The following DAPK2 variants were observed in gnomAD, a reference collection of about 807,000 sequenced individuals.
DAPK2 encodes the protein death-associated protein kinase 2.
DAPK2 carries 35 observed loss-of-function variants against 44.1 expected under a neutral mutation model. The observed-to-expected ratio is 0.79, with a 90% CI of 0.61 to 1.05. The LOEUF (loss-of-function observed/expected upper bound fraction) is 1.05, where lower values mean the gene tolerates loss of function less well. Ranked by LOEUF, DAPK2 falls within the 50% of genes least tolerant of loss-of-function variation. The pLI is 0.00. For missense variants in DAPK2, 453 were observed against 483.2 expected (o/e 0.94, Z 0.59); for synonymous variants, 174 against 182.6 (o/e 0.95, Z 0.38).
Position 63,930,844 on chromosome 15 carries a change from A to C in DAPK2, c.584-389T>G, listed in dbSNP as rs545736584. 2.0e-5 allele frequency among the ~76,000 whole-genome samples: 3 copies of C among 152,236 alleles called. No homozygotes were observed. In the East Asian group the frequency reaches 5.8e-4, roughly 29 times the overall value. The stretch of plus-strand genomic sequence containing the variant: ...GAGGCTGAGGCAGGAGGATTGCTGG[A>C]GCCCAGGAGTTGGAGACCAGCCTGG... On this transcript the variant is annotated intron_variant, in intron 4 of 10. Transcript: ENST00000261891.
intron 8 of DAPK2, chr15:63,922,633 A>C: frequency 7.0e-7 from 1 of 1,436,792 alleles, no homozygotes; most frequent in Non-Finnish European, 9.1e-7. Flanking sequence ...TACTACAGAC[A>C]CACACCCCTG....
At chr15:63,967,041 A>G (rs371691148) in intron 3 of DAPK2, among the ~76,000 whole-genome samples, 119 of 152,106 alleles carry the variant, frequency 7.8e-4, no homozygotes, top group African/African-American at 2.7e-3. Context: ...TTAGCCGGGC[A>G]TAGTGGTGGG....
At chr15:63,935,289 C>T (rs1426083546) in intron 4 of DAPK2, among the ~76,000 whole-genome samples, 1 of 151,922 alleles carries the variant, frequency 6.6e-6, no homozygotes, top group Non-Finnish European at 1.5e-5. Flanking sequence ...CAGGGTTTCA[C>T]CATGTTGGTC....
chr15:63,948,727 G>C (rs1335693657), intron 3 of DAPK2, among the ~76,000 whole-genome samples: 1 of 152,186 alleles, frequency 6.6e-6, no homozygotes, highest in Non-Finnish European at 1.5e-5. Context: ...GGTCCGTGTA[G>C]AACAAAACTT....
At position 63,990,396 on chromosome 15, in the gene DAPK2, C is replaced by G. The variant is rs1211142538; in HGVS notation, c.93-6642G>C. Among the ~76,000 whole-genome samples the G allele has an allele frequency of 6.6e-6, 1 of 150,704 alleles. No individual in the cohort carries two copies. Among genetic ancestry groups the G allele is most frequent in the African/African-American group, 2.4e-5 (1 of 40,948 alleles). On this transcript the variant is annotated intron_variant, in intron 1 of 10. Coordinates refer to ENST00000261891, the Ensembl canonical transcript of DAPK2. This position sits in a 1 kb window ranked among gnomAD's most constrained non-coding sequence, Gnocchi z 4.3. The stretch of plus-strand genomic sequence containing the variant: ...TGAGCTGAGATCGCACCGCTGCACT[C>G]CAGCCTGGGTGACAGAGCAAGACTC...
intron 1 of DAPK2, among the ~76,000 whole-genome samples, chr15:64,002,475 T>C (rs969171735): frequency 3.0e-4 from 46 of 152,306 alleles, no homozygotes; most frequent in African/African-American, 1.1e-3. Flanking sequence ...ACATAATTTG[T>C]CCATAATAGT....
intron 1 of DAPK2, among the ~76,000 whole-genome samples, chr15:64,033,863 C>T (rs527480878): frequency 4.0e-5 from 6 of 150,842 alleles, no homozygotes; most frequent in South Asian, 4.2e-4. Context: ...TGCAGTGAGC[C>T]GAGATGGCGC....
intron 10 of DAPK2, chr15:63,909,248 T>C (rs905176672): frequency 6.6e-6 from 1 of 152,172 alleles, no homozygotes; most frequent in African/African-American, 2.4e-5. Context: ...AAAGAAGTAC[T>C]AATCCACAGT....
rs573849906 is a variant in DAPK2, at chr15:63,912,889, G to C, written c.859-692C>G. Among the ~76,000 whole-genome samples, 8 of 152,130 alleles carry C rather than the reference G, an allele frequency of 5.3e-5. No homozygotes were observed. Among genetic ancestry groups the C allele is most frequent in the African/African-American group, 1.9e-4 (8 of 41,416 alleles). ...AATAAGTTATTGTGAGCTTTCCTGC[G>C]TTCTCCATTCCCTTTTCAACACCCC... On this transcript the variant is annotated intron_variant, in intron 8 of 10. Coordinates refer to ENST00000261891, the Ensembl canonical transcript of DAPK2. The surrounding 1 kb of genome is among the most constrained non-coding windows in gnomAD (Gnocchi z 4.4).
chr15:64,037,428 T>G (rs980007238), intron 1 of DAPK2, among the ~76,000 whole-genome samples: 4 of 152,226 alleles, frequency 2.6e-5, no homozygotes, highest in Non-Finnish European at 5.9e-5. Context: ...ATCAATCCCT[T>G]GCAGGGCATC....
At position 63,939,969 on chromosome 15, in the gene DAPK2, A is replaced by T. The variant is rs2077264852; in HGVS notation, c.454-608T>A. Among the ~76,000 whole-genome samples the T allele has an allele frequency of 6.6e-6, 1 of 152,226 alleles. No homozygotes were observed. Among genetic ancestry groups the T allele is most frequent in the Non-Finnish European group, 1.5e-5 (1 of 68,048 alleles). On this transcript the variant is annotated intron_variant, in intron 3 of 10. Coordinates refer to ENST00000261891, the Ensembl canonical transcript of DAPK2. The surrounding 1 kb of genome is among the most constrained non-coding windows in gnomAD (Gnocchi z 4.3). ...AATGCACCCGATTTCCAGGGAAAAT[A>T]CCAGCTGCTCAGGCTATTTCCAGCC...
intron 1 of DAPK2, among the ~76,000 whole-genome samples, chr15:63,994,413 GGAAGGA>G (rs2078894613): frequency 2.0e-4 from 1 of 4,968 alleles, no homozygotes; most frequent in Non-Finnish European, 8.2e-4. Context: ...TAAAAGAAAA[GGAAGGA>G]AGGAAGGAAG....
chr15:63,998,274 C>T (rs1308385125), intron 1 of DAPK2, among the ~76,000 whole-genome samples: 1 of 152,186 alleles, frequency 6.6e-6, no homozygotes, highest in Admixed American at 6.5e-5. Flanking sequence ...CTCAGGGAAA[C>T]AGGCCCACAG....
At chr15:63,994,416 AGG>A in intron 1 of DAPK2, among the ~76,000 whole-genome samples, 2 of 26,232 alleles carry the variant, frequency 7.6e-5, no homozygotes, top group African/African-American at 2.6e-4. Context: ...AAGAAAAGGA[AGG>A]AAGGAAGGAA....
intron 1 of DAPK2, among the ~76,000 whole-genome samples, chr15:64,031,685 G>A (rs189073827): frequency 3.9e-5 from 6 of 152,256 alleles, no homozygotes; most frequent in South Asian, 4.1e-4. Context: ...TTTTATTTCC[G>A]ACATTCTTTG....
chr15:63,923,874 G>A lies in DAPK2; in HGVS notation c.858+942C>T, dbSNP rs753839653. Among the ~76,000 whole-genome samples the A allele has an allele frequency of 9.9e-5, 15 of 152,124 alleles. No individual in the cohort carries two copies. Among genetic ancestry groups the A allele is most frequent in the Non-Finnish European group, 2.2e-4 (15 of 68,028 alleles). On this transcript the variant is annotated intron_variant, in intron 8 of 10. Coordinates refer to ENST00000261891, the Ensembl canonical transcript of DAPK2. This position sits in a 1 kb window ranked among gnomAD's most constrained non-coding sequence, Gnocchi z 4.2. ...TGATTATTATTTTTTAGAGAGATGGGGTCTTGGCATGTTGCTCAAGTTGGT... is the reference window on the plus strand; with the variant it reads ...TGATTATTATTTTTTAGAGAGATGGAGTCTTGGCATGTTGCTCAAGTTGGT...
intron 1 of DAPK2, among the ~76,000 whole-genome samples, chr15:63,985,960 G>A (rs1343685631): frequency 6.6e-6 from 1 of 152,234 alleles, no homozygotes; most frequent in African/African-American, 2.4e-5. Context: ...CACTGCACAG[G>A]CATCTTTCCC....
chr15:63,926,227 G>A, intron 6 of DAPK2, 134 bp from the exon 8 acceptor site: 1 of 954,260 alleles, frequency 1.0e-6, no homozygotes, highest in South Asian at 1.7e-5. Flanking sequence ...TGCCCCCTCT[G>A]GGCAGCCAAC....
At chr15:64,039,635 T>C (rs2080302330) in intron 1 of DAPK2, among the ~76,000 whole-genome samples, 1 of 152,166 alleles carries the variant, frequency 6.6e-6, no homozygotes. Flanking sequence ...AGATCTGATT[T>C]TCACCCTGGC....
Sources: gnomAD v4.1 joint callset for allele counts (sites outside exome capture counted in the v4.1 genomes callset) on GRCh38, gnomAD v4.1.1 for gene constraint, Gnocchi (gnomAD v3.1) non-coding constraint, MANE v1.5 for transcripts, NCBI Gene and HGNC (gene_info 2026-07-23, HGNC 2026-07-21) for gene names.